STK32A: variants seen among roughly 807,000 people sequenced by gnomAD.
STK32A encodes serine/threonine-protein kinase 32A.
In STK32A, 41 loss-of-function variants were observed where a neutral mutation model predicts 53.2. The ratio of observed to expected loss-of-function variants is 0.77; its 90% CI spans 0.60 to 1.00. The LOEUF (loss-of-function observed/expected upper bound fraction) is 1.00. STK32A is among the 50% of genes least tolerant of loss of function. The pLI is 0.00. For synonymous variants in STK32A, 166 were observed against 162.8 expected, an observed-to-expected ratio of 1.02 and a Z score of -0.15; for missense variants, 458 against 485.8, an observed-to-expected ratio of 0.94 and a Z score of 0.54.
chr5:147,334,042 A>T (rs772827601), intron 5 of STK32A, among the ~76,000 whole-genome samples: 11 of 152,190 alleles, frequency 7.2e-5, no homozygotes, highest in Non-Finnish European at 1.0e-4. Context: ...GGAGTGCTTA[A>T]TAAATGGAAG....
chr5:147,270,845 T>G (rs1406328775), intron 2 of STK32A, among the ~76,000 whole-genome samples: 4 of 152,220 alleles, frequency 2.6e-5, no homozygotes, highest in African/African-American at 9.6e-5. Flanking sequence ...CAAGAATATT[T>G]GATGCAACAT....
chr5:147,356,849 T>G (rs548023055), intron 7 of STK32A, among the ~76,000 whole-genome samples: 1 of 152,274 alleles, frequency 6.6e-6, no homozygotes, highest in South Asian at 2.1e-4. Flanking sequence ...CCCAAGTATT[T>G]CAAATAGGGG....
At chr5:147,264,960 T>C (rs1754738773) in intron 2 of STK32A, among the ~76,000 whole-genome samples, 1 of 151,848 alleles carries the variant, frequency 6.6e-6, no homozygotes, top group Non-Finnish European at 1.5e-5. Context: ...ACACAAAACT[T>C]GAAAAAATGA....
intron 8 of STK32A, among the ~76,000 whole-genome samples, chr5:147,369,523 G>A (rs1171580965): frequency 6.6e-6 from 1 of 152,086 alleles, no homozygotes; most frequent in Non-Finnish European, 1.5e-5. Context: ...ATCTCATGAG[G>A]TAGCTCATTT....
At chr5:147,346,527 C>G (rs1479763895) in intron 6 of STK32A, among the ~76,000 whole-genome samples, 1 of 152,142 alleles carries the variant, frequency 6.6e-6, no homozygotes, top group African/African-American at 2.4e-5. Flanking sequence ...AATGGGAAAT[C>G]CACTGTGTGA....
At chr5:147,251,836 G>A (rs1000183667) in intron 2 of STK32A, among the ~76,000 whole-genome samples, 3 of 152,128 alleles carry the variant, frequency 2.0e-5, no homozygotes, top group African/African-American at 7.2e-5. Flanking sequence ...CCACTCTTGA[G>A]CTTTGCTTAG....
chr5:147,341,559 T>C (rs773829268), intron 5 of STK32A, among the ~76,000 whole-genome samples: 2 of 152,204 alleles, frequency 1.3e-5, no homozygotes, highest in African/African-American at 4.8e-5. Context: ...AGTTGTGCAA[T>C]GCAGCCTCAA....
At chr5:147,307,782 A>G (rs1753491411) in intron 4 of STK32A, among the ~76,000 whole-genome samples, 2 of 152,266 alleles carry the variant, frequency 1.3e-5, no homozygotes, top group African/African-American at 4.8e-5. Flanking sequence ...ATTGACCCTT[A>G]GCCATTTGTT....
chr5:147,387,969 T>C (rs781157821), downstream of STK32A: 1 of 152,228 alleles, frequency 6.6e-6, no homozygotes, highest in Non-Finnish European at 1.5e-5. Context: ...CTATTTCCTA[T>C]TGTGAGGAAT....
At chr5:147,256,300 GA>G (rs1754234493) in intron 2 of STK32A, among the ~76,000 whole-genome samples, 1 of 152,188 alleles carries the variant, frequency 6.6e-6, no homozygotes, top group African/African-American at 2.4e-5. Context: ...CAGACTTCGG[GA>G]TATAGCAGAG....
chr5:147,393,151 G>A, the STK32A span: 2 of 152,138 alleles, frequency 1.3e-5, no homozygotes, highest in African/African-American at 2.4e-5. Context: ...AGAAGGAAGC[G>A]TCTTTAAGCT....
the STK32A span, chr5:147,397,651 T>G: frequency 6.2e-7 from 1 of 1,610,628 alleles, no homozygotes; most frequent in Non-Finnish European, 8.5e-7. Flanking sequence ...ACCTCAGAGC[T>G]CCAATGCTTT....
rs139864520 is a variant in STK32A, at chr5:147,275,864, A to G, written c.53-2260A>G. 2.0e-5 allele frequency among the ~76,000 whole-genome samples: 3 copies of G among 152,258 alleles called. No homozygotes were observed. The East Asian group carries it at 5.8e-4, about 29-fold the overall frequency. On this transcript the variant is annotated intron_variant, in intron 2 of 12. Coordinates refer to ENST00000397936, the MANE Select transcript of STK32A (RefSeq NM_001112724.2). ...AAATTTACCAGGATCCTGACATGTA[A>G]TCCTGTATCATTTTCAGTAAGGTTA... is the stretch of plus-strand genomic sequence containing the variant.
chr5:147,252,437 A>G (rs1321554739), intron 2 of STK32A, among the ~76,000 whole-genome samples: 1 of 152,104 alleles, frequency 6.6e-6, no homozygotes, highest in African/African-American at 2.4e-5. Context: ...TGCTTTCCTC[A>G]GTGGGTTTTC....
At chr5:147,284,270 G>A (rs951150370) in intron 4 of STK32A, among the ~76,000 whole-genome samples, 2 of 151,862 alleles carry the variant, frequency 1.3e-5, no homozygotes, top group African/African-American at 2.4e-5. Flanking sequence ...AGGGACATAG[G>A]CCTTAATGTA....
intron 7 of STK32A, among the ~76,000 whole-genome samples, chr5:147,354,004 T>TAGAGAGAGAG (rs10668611): frequency 3.4e-5 from 5 of 148,346 alleles, no homozygotes; most frequent in African/African-American, 9.9e-5. Context: ...CCCATGTAAC[T>TAGAGAGAGAG]AGAGAGAGAG....
At chr5:147,302,156 T>C (rs1195716863) in intron 4 of STK32A, among the ~76,000 whole-genome samples, 1 of 152,196 alleles carries the variant, frequency 6.6e-6, no homozygotes, top group Non-Finnish European at 1.5e-5. Context: ...ACACTATTAG[T>C]ATTTAGTGCA....
intron 2 of STK32A, chr5:147,240,096 A>G: frequency 6.4e-6 from 1 of 156,644 alleles, no homozygotes; most frequent in Non-Finnish European, 1.4e-5. Flanking sequence ...GTGCCTTCTG[A>G]ATTTCCAACT....
chr5:147,366,678 G>T (rs1189348760), intron 8 of STK32A, among the ~76,000 whole-genome samples: 1 of 152,158 alleles, frequency 6.6e-6, no homozygotes, highest in Non-Finnish European at 1.5e-5. Flanking sequence ...GCAAAAATCA[G>T]CTGTAGTCTC....
Sources: gnomAD v4.1 joint callset for allele counts (sites outside exome capture counted in the v4.1 genomes callset) on GRCh38, gnomAD v4.1.1 for gene constraint, MANE v1.5 for transcripts, NCBI Gene and HGNC (gene_info 2026-07-23, HGNC 2026-07-21) for gene names.